LOC128125817: variants seen among roughly 807,000 people sequenced by gnomAD.
At chr1:41,585,998 C>T in the LOC128125817 span, among the ~76,000 whole-genome samples, 30 of 152,206 alleles carry the variant, frequency 2.0e-4, no homozygotes, top group Non-Finnish European at 4.1e-4. Context: ...GAAGACAAAA[C>T]TGCAAACTAC....
chr1:41,616,818 G>C, the LOC128125817 span, among the ~76,000 whole-genome samples: 3 of 152,104 alleles, frequency 2.0e-5, no homozygotes, highest in South Asian at 2.1e-4. Flanking sequence ...CTTCCTCATG[G>C]ACAGTCTTTC....
chr1:41,611,777 C>A, the LOC128125817 span, among the ~76,000 whole-genome samples: 17 of 152,210 alleles, frequency 1.1e-4, no homozygotes, highest in Admixed American at 7.2e-4. Context: ...GATTGTGCTG[C>A]CTGATTCCAT....
chr1:41,610,496 GA>G, the LOC128125817 span, among the ~76,000 whole-genome samples: 853 of 152,346 alleles, frequency 5.6e-3, 6 homozygotes, highest in African/African-American at 0.019. Context: ...TGGATGGTGG[GA>G]GGGGCATTCC....
the LOC128125817 span, among the ~76,000 whole-genome samples, chr1:41,620,262 C>G: frequency 6.6e-6 from 1 of 152,204 alleles, no homozygotes; most frequent in Middle Eastern, 3.2e-3. Context: ...GCCAGGAGCA[C>G]AAACCTCAAG....
chr1:41,622,947 A>C, the LOC128125817 span, among the ~76,000 whole-genome samples: 4 of 152,220 alleles, frequency 2.6e-5, no homozygotes, highest in African/African-American at 9.6e-5. Context: ...TAACTGCTGG[A>C]TATAGCTAGA....
the LOC128125817 span, among the ~76,000 whole-genome samples, chr1:41,590,216 G>A: frequency 6.6e-6 from 1 of 152,262 alleles, no homozygotes; most frequent in Non-Finnish European, 1.5e-5. Flanking sequence ...ACAGAAGGAT[G>A]TCTGGGCAAA....
chr1:41,623,157 G>T, the LOC128125817 span, among the ~76,000 whole-genome samples: 1 of 152,212 alleles, frequency 6.6e-6, no homozygotes, highest in Non-Finnish European at 1.5e-5. Flanking sequence ...GGAATACACA[G>T]AACACAAATC....
the LOC128125817 span, among the ~76,000 whole-genome samples, chr1:41,601,139 C>G: frequency 7.2e-5 from 11 of 152,122 alleles, 1 homozygote; most frequent in Admixed American, 2.6e-4. Context: ...CAGTACCATA[C>G]TGTTTTGATT....
chr1:41,594,103 C>A, the LOC128125817 span, among the ~76,000 whole-genome samples: 1 of 152,230 alleles, frequency 6.6e-6, no homozygotes, highest in African/African-American at 2.4e-5. Flanking sequence ...TAAATCACAT[C>A]TACAAATTAT....
chr1:41,585,531 G>C, the LOC128125817 span, among the ~76,000 whole-genome samples: 9 of 152,234 alleles, frequency 5.9e-5, no homozygotes, highest in South Asian at 2.1e-4. Flanking sequence ...TCCCATGTCA[G>C]TGTTGGGTGA....
the LOC128125817 span, among the ~76,000 whole-genome samples, chr1:41,613,078 A>C: frequency 1.3e-5 from 2 of 152,246 alleles, no homozygotes; most frequent in Non-Finnish European, 2.9e-5. Context: ...AGTGGAGGAC[A>C]GCCAGGAGCA....
the LOC128125817 span, among the ~76,000 whole-genome samples, chr1:41,615,395 A>T: frequency 6.6e-6 from 1 of 152,168 alleles, no homozygotes; most frequent in Non-Finnish European, 1.5e-5. Flanking sequence ...GAGAACCCTC[A>T]GCCTGGCTTC....
At chr1:41,603,942 T>A in the LOC128125817 span, among the ~76,000 whole-genome samples, 6,141 of 152,320 alleles carry the variant, frequency 0.04, 154 homozygotes, top group East Asian at 0.099. Context: ...TATAAAACAA[T>A]GCTCAATACA....
chr1:41,593,647 C>T, the LOC128125817 span, among the ~76,000 whole-genome samples: 1 of 152,232 alleles, frequency 6.6e-6, no homozygotes, highest in Admixed American at 6.5e-5. Context: ...GCACTATTTC[C>T]CTAACCTCCT....
At chr1:41,598,806 G>GTTATTTATTTATTTATTTATTTAT in the LOC128125817 span, among the ~76,000 whole-genome samples, 1 of 147,016 alleles carries the variant, frequency 6.8e-6, no homozygotes, top group African/African-American at 2.5e-5. Flanking sequence ...GTCACATGAT[G>GTTATTTATTTATTTATTTATTTAT]TTATTTATTT....
the LOC128125817 span, among the ~76,000 whole-genome samples, chr1:41,595,104 TAATTCCCCATGTGAATATTGTA>T: frequency 2.0e-5 from 3 of 152,260 alleles, no homozygotes; most frequent in Non-Finnish European, 2.9e-5. Flanking sequence ...ATATTTTTGC[TAATTCCCCATGTGAATATTGTA>T]AATCTGGCAT....
chr1:41,606,778 A>G, the LOC128125817 span, among the ~76,000 whole-genome samples: 1 of 151,742 alleles, frequency 6.6e-6, no homozygotes, highest in Admixed American at 6.6e-5. Context: ...TATCCTCCAG[A>G]ATTGTGAAAG....
chr1:41,599,550 C>G, the LOC128125817 span, among the ~76,000 whole-genome samples: 4 of 152,098 alleles, frequency 2.6e-5, no homozygotes, highest in African/African-American at 9.7e-5. Context: ...AAGAAAAAGG[C>G]AGTCAACGCA....
the LOC128125817 span, among the ~76,000 whole-genome samples, chr1:41,608,160 T>G: frequency 6.6e-6 from 1 of 152,156 alleles, no homozygotes; most frequent in African/African-American, 2.4e-5. Context: ...CTCTGACCAG[T>G]TCAGTCTTGA....
Sources: gnomAD v4.1 joint callset for allele counts (sites outside exome capture counted in the v4.1 genomes callset) on GRCh38, gnomAD v4.1.1 for gene constraint, MANE v1.5 for transcripts.